The following USP47 variants were observed in gnomAD, a reference collection of about 807,000 sequenced individuals.
USP47 encodes ubiquitin specific peptidase 47.
A neutral mutation model predicts 165.1 loss-of-function variants in USP47; 35 were observed. The ratio of observed to expected loss-of-function variants is 0.21; its 90% CI spans 0.16 to 0.28. USP47 has a LOEUF of 0.28. Among genes scored for constraint, USP47 ranks in the 10% least tolerant of loss-of-function variants. USP47 has a pLI of 1.00. For synonymous variants in USP47, 531 were observed against 544.5 expected, an observed-to-expected ratio of 0.98 and a Z score of 0.35; for missense variants, 1,277 against 1,607.4, an observed-to-expected ratio of 0.79 and a Z score of 3.52.
chr11:11,942,728 A>T lies in USP47; in HGVS notation c.2707A>T (p.Asn903Tyr), dbSNP rs772650837. 6.2e-7 allele frequency: 1 copy of T among 1,613,646 alleles called. No individual in the cohort carries two copies. Among genetic ancestry groups the T allele is most frequent in the South Asian group, 1.1e-5 (1 of 91,080 alleles). Residue 903 changes from asparagine to tyrosine, a missense_variant, in exon 20 of 28, where the codon AAT (asparagine) becomes TAT (tyrosine). Asn to Tyr is a moderately radical substitution (Grantham distance 143). Transcript: ENST00000527733. The part of the protein sequence containing the change: ...NERDSSASVD[N>Y]RELEQHIQTS... The stretch of plus-strand genomic sequence containing the variant: ...GAGGGACTCTTCAGCATCAGTGGAT[A>T]ATAGAGAACTTGAACAGCATATTCA...
At chr11:11,930,324 A>G (rs964160955) in intron 13 of USP47, among the ~76,000 whole-genome samples, 3 of 152,166 alleles carry the variant, frequency 2.0e-5, no homozygotes, top group Admixed American at 6.5e-5. Context: ...CTTTTACACT[A>G]TAATAACATA....
At chr11:11,953,902 A>G (rs1165747273) in intron 25 of USP47, among the ~76,000 whole-genome samples, 1 of 152,158 alleles carries the variant, frequency 6.6e-6, no homozygotes, top group African/African-American at 2.4e-5. Context: ...TTCAGTTGGC[A>G]TCATTTGTCA....
intron 20 of USP47, chr11:11,943,400 A>C: frequency 5.0e-6 from 1 of 201,026 alleles, no homozygotes; most frequent in Non-Finnish European, 1.0e-5. Flanking sequence ...TATATTAAAA[A>C]GTAAATAATA....
chr11:11,868,364 A>C (rs1158503270), intron 1 of USP47, among the ~76,000 whole-genome samples: 1 of 152,106 alleles, frequency 6.6e-6, no homozygotes, highest in African/African-American at 2.4e-5. Context: ...TCATTTTAAG[A>C]GTGTTGTAAA....
chr11:11,947,919 T>C, intron 20 of USP47, 26 bp from the exon 21 acceptor site: 2 of 1,571,228 alleles, frequency 1.3e-6, no homozygotes, highest in Admixed American at 2.1e-5. Flanking sequence ...TTTTTGTTCC[T>C]GTTTTGGTTT....
chr11:11,930,194 A>G, intron 13 of USP47, 74 bp downstream of exon 13: 1 of 1,364,834 alleles, frequency 7.3e-7, no homozygotes, highest in South Asian at 1.2e-5. Context: ...TTTATCATCA[A>G]AGATTTAACC....
chr11:11,922,966 T>C, intron 11 of USP47, 75 bp downstream of exon 11: 2 of 1,361,662 alleles, frequency 1.5e-6, no homozygotes, highest in Non-Finnish European at 2.0e-6. Context: ...CTATAGCTGT[T>C]GTGACTGATA....
intron 2 of USP47, among the ~76,000 whole-genome samples, chr11:11,882,643 C>G (rs1444082141): frequency 6.6e-6 from 1 of 152,054 alleles, no homozygotes; most frequent in Non-Finnish European, 1.5e-5. Context: ...TCATCTTTTA[C>G]CCTTAAAAAG....
chr11:11,884,653 C>A, intron 3 of USP47, 73 bp downstream of exon 3: 1 of 968,818 alleles, frequency 1.0e-6, no homozygotes, highest in Non-Finnish European at 1.5e-6. Context: ...TGCAGTTTCC[C>A]AAAGGAAATA....
At chr11:11,873,819 G>A in intron 1 of USP47, 1 of 1,489,682 alleles carries the variant, frequency 6.7e-7, no homozygotes, top group Non-Finnish European at 8.9e-7. Context: ...TGGAGATGCA[G>A]ACAAAATATC....
chr11:11,919,722 G>GA (rs1853690113), intron 8 of USP47, among the ~76,000 whole-genome samples: 1 of 151,878 alleles, frequency 6.6e-6, no homozygotes, highest in African/African-American at 2.4e-5. Flanking sequence ...TTAAGTGTAT[G>GA]AAAAGTGTGA....
intron 5 of USP47, among the ~76,000 whole-genome samples, chr11:11,901,108 G>A (rs1433647386): frequency 6.6e-6 from 1 of 152,156 alleles, no homozygotes; most frequent in African/African-American, 2.4e-5. Flanking sequence ...AAGGTGAAAT[G>A]TACTTCATTG....
rs536616743 is a variant in USP47 at position 11,925,666 on chromosome 11, A to C, written c.1386+2775A>C. Among the ~76,000 whole-genome samples, 305 of 151,088 alleles carry C rather than the reference A, an allele frequency of 2.0e-3. 2 individuals carry two copies. Among genetic ancestry groups the C allele is most frequent in the African/African-American group, 7.1e-3 (292 of 41,190 alleles). ...TTTTTATGCGGAATCTTTATTTTCT[A>C]CATACAAGATTGTCATCAGTGAACA... On this transcript the variant is annotated intron_variant, in intron 11 of 27. Coordinates refer to ENST00000527733, the MANE Select transcript of USP47 (RefSeq NM_001282659.2).
chr11:11,878,500 G>T lies in USP47; in HGVS notation c.40-1677G>T, dbSNP rs547552162. The T allele has an allele frequency of 2.0e-5, 3 of 152,134 alleles. No homozygotes were observed. The South Asian group carries it at 6.2e-4, about 32-fold the overall frequency. The allele number at this position is 152,134 out of a possible 1,614,324, so 9.4% of individuals were successfully genotyped here. The stretch of plus-strand genomic sequence containing the variant: ...TCTATTTTATGTTTTTTAGTTTAGG[G>T]TTAAAATGTGTAAAATAATCTATTA... On this transcript the variant is annotated intron_variant, in intron 1 of 27. Coordinates refer to ENST00000527733, the MANE Select transcript of USP47 (RefSeq NM_001282659.2).
chr11:11,922,939 T>C, intron 11 of USP47, 48 bp downstream of exon 11: 1 of 1,550,030 alleles, frequency 6.5e-7, no homozygotes, highest in Non-Finnish European at 8.8e-7. Context: ...GAATAATCTC[T>C]GACTTCCTAT....
chr11:11,871,223 G>T (rs540813415), intron 1 of USP47, among the ~76,000 whole-genome samples: 2 of 151,708 alleles, frequency 1.3e-5, no homozygotes, highest in African/African-American at 4.8e-5. Flanking sequence ...TTGGTGGGCA[G>T]CTGGGTGCAG....
chr11:11,923,001 T>C (rs914302307), intron 11 of USP47, 110 bp downstream of exon 11: 5 of 816,256 alleles, frequency 6.1e-6, no homozygotes, highest in African/African-American at 1.8e-5. Flanking sequence ...AGAAACTTAA[T>C]TTTTGAAAGT....
At chr11:11,945,434 A>G (rs1030008509) in intron 20 of USP47, among the ~76,000 whole-genome samples, 13 of 152,216 alleles carry the variant, frequency 8.5e-5, no homozygotes, top group African/African-American at 2.9e-4. Flanking sequence ...AATAATCTGT[A>G]CTTAAAATGA....
intron 2 of USP47, among the ~76,000 whole-genome samples, chr11:11,881,678 T>C (rs751563452): frequency 6.6e-6 from 1 of 152,150 alleles, no homozygotes; most frequent in Non-Finnish European, 1.5e-5. Flanking sequence ...AGACATCTTC[T>C]TAGGTCATCA....
Sources: gnomAD v4.1 joint callset for allele counts (sites outside exome capture counted in the v4.1 genomes callset) on GRCh38, gnomAD v4.1.1 for gene constraint, MANE v1.5 for transcripts, NCBI Gene and HGNC (gene_info 2026-07-23, HGNC 2026-07-21) for gene names.